The following THSD7B variants were observed in gnomAD, a reference collection of about 807,000 sequenced individuals.
The protein encoded by THSD7B is thrombospondin type-1 domain-containing protein 7B.
In THSD7B, 138 loss-of-function variants were observed where a neutral mutation model predicts 213.6. The observed-to-expected ratio is 0.65, with a 90% CI of 0.56 to 0.74. THSD7B has a LOEUF of 0.74. Ranked by LOEUF, THSD7B falls within the 30% of genes least tolerant of loss-of-function variation. The pLI, the probability that THSD7B is intolerant of heterozygous loss-of-function variation, is 0.00. For synonymous variants in THSD7B, 742 were observed against 687.0 expected (o/e 1.08, Z -1.25); for missense variants, 1,931 against 1,991.5 (o/e 0.97, Z 0.58).
intron 15 of THSD7B, among the ~76,000 whole-genome samples, chr2:137,544,984 G>A (rs188988797): frequency 6.6e-6 from 1 of 151,874 alleles, no homozygotes; most frequent in East Asian, 1.9e-4. Flanking sequence ...TCTCAATAAT[G>A]TATCAGGGGC....
chr2:137,647,812 T>A (rs1314147958), intron 21 of THSD7B, among the ~76,000 whole-genome samples: 2 of 152,144 alleles, frequency 1.3e-5, no homozygotes, highest in Non-Finnish European at 2.9e-5. Context: ...CTGTGCTTGT[T>A]TGTGAAGCTG....
intron 26 of THSD7B, among the ~76,000 whole-genome samples, chr2:137,667,260 T>G (rs1683468122): frequency 6.6e-6 from 1 of 152,200 alleles, no homozygotes; most frequent in African/African-American, 2.4e-5. Flanking sequence ...ACATTTTACA[T>G]TTTCGCTTTT....
intron 5 of THSD7B, among the ~76,000 whole-genome samples, chr2:137,132,327 C>G (rs1391565673): frequency 2.0e-5 from 3 of 150,756 alleles, no homozygotes; most frequent in Non-Finnish European, 1.5e-5. Context: ...CGTCTGCAAA[C>G]AGGGACAATT....
chr2:137,614,739 C>CA (rs1682351407), intron 17 of THSD7B, among the ~76,000 whole-genome samples: 1 of 152,062 alleles, frequency 6.6e-6, no homozygotes, highest in South Asian at 2.1e-4. Flanking sequence ...TAAGTACTGA[C>CA]AGATCCAAGT....
intron 17 of THSD7B, among the ~76,000 whole-genome samples, chr2:137,598,076 A>G (rs1314364761): frequency 1.3e-5 from 2 of 151,538 alleles, no homozygotes; most frequent in African/African-American, 4.9e-5. Flanking sequence ...CCATTTCCCC[A>G]TCTTTCTTTT....
intron 25 of THSD7B, among the ~76,000 whole-genome samples, chr2:137,662,148 C>T (rs191926609): frequency 2.0e-4 from 30 of 150,268 alleles, no homozygotes; most frequent in South Asian, 1.3e-3. Context: ...CTGCAACCAC[C>T]GCCTCCTGGG....
intron 2 of THSD7B, among the ~76,000 whole-genome samples, chr2:136,909,113 G>A (rs953808940): frequency 1.1e-4 from 17 of 152,180 alleles, no homozygotes; most frequent in South Asian, 4.2e-4. Context: ...AACCTGGGAG[G>A]TGGAGGTTGC....
intron 17 of THSD7B, among the ~76,000 whole-genome samples, chr2:137,573,134 C>T (rs1004266271): frequency 6.7e-6 from 1 of 150,290 alleles, no homozygotes; most frequent in Non-Finnish European, 1.5e-5. Context: ...GGAAGCACAA[C>T]AGGAGTATGG....
At chr2:137,549,289 A>G (rs1573700613) in intron 15 of THSD7B, among the ~76,000 whole-genome samples, 1 of 133,316 alleles carries the variant, frequency 7.5e-6, no homozygotes, top group South Asian at 2.5e-4. Context: ...GAAGGCAGAC[A>G]TGTCTTTTTT....
At chr2:137,088,906 C>A (rs1687892906) in intron 3 of THSD7B, among the ~76,000 whole-genome samples, 1 of 152,044 alleles carries the variant, frequency 6.6e-6, no homozygotes, top group African/African-American at 2.4e-5. Flanking sequence ...TTATGCAAAT[C>A]AAAACCACAA....
intron 7 of THSD7B, among the ~76,000 whole-genome samples, chr2:137,212,079 A>C (rs996465149): frequency 6.6e-6 from 1 of 152,088 alleles, no homozygotes; most frequent in African/African-American, 2.4e-5. Flanking sequence ...GTTTTCTAAT[A>C]TAACCTCACA....
intron 12 of THSD7B, among the ~76,000 whole-genome samples, chr2:137,321,874 C>G (rs1684270201): frequency 6.6e-6 from 1 of 151,722 alleles, no homozygotes; most frequent in South Asian, 2.1e-4. Context: ...TAATAATTAA[C>G]TTCTGTGCCT....
Position 137,488,304 on chromosome 2 carries a change from A to G in THSD7B, c.3138+37281A>G, listed in dbSNP as rs183447879. ...GGTATTCATATGTATATGCACACAC[A>G]TATACCAATATACACATTATATTTA... is the stretch of plus-strand genomic sequence containing the variant. On this transcript the variant is annotated intron_variant, in intron 15 of 27. Transcript: ENST00000409968. Among the ~76,000 whole-genome samples the G allele has an allele frequency of 2.9e-3, 443 of 152,296 alleles. 1 individual carries two copies. The highest frequency in any genetic ancestry group is 0.01 in the African/African-American group (420 of 41,562).
chr2:137,422,549 C>G (rs977762013), intron 14 of THSD7B, among the ~76,000 whole-genome samples: 1 of 152,032 alleles, frequency 6.6e-6, no homozygotes, highest in African/African-American at 2.4e-5. Context: ...GGTTCATTTG[C>G]TTATGGATTC....
At chr2:137,628,491 G>A (rs72983484) in intron 20 of THSD7B, among the ~76,000 whole-genome samples, 3,936 of 152,254 alleles carry the variant, frequency 0.026, 173 homozygotes, top group African/African-American at 0.091. Context: ...AGGGACAACA[G>A]AGAGTAAACT....
chr2:137,404,460 T>TAC (rs1558785749), intron 12 of THSD7B, among the ~76,000 whole-genome samples: 5 of 102,328 alleles, frequency 4.9e-5, no homozygotes, highest in East Asian at 2.9e-4. Context: ...TATATATATA[T>TAC]ATATATATAT....
intron 10 of THSD7B, among the ~76,000 whole-genome samples, chr2:137,271,074 C>T (rs966182568): frequency 6.6e-6 from 1 of 151,794 alleles, no homozygotes; most frequent in Admixed American, 6.6e-5. Context: ...TTAATAAATT[C>T]TTATTTCATT....
At chr2:137,314,899 G>T (rs1159851726) in intron 12 of THSD7B, among the ~76,000 whole-genome samples, 1 of 152,200 alleles carries the variant, frequency 6.6e-6, no homozygotes, top group African/African-American at 2.4e-5. Flanking sequence ...GAGAACCACT[G>T]CTCTCTTCAA....
At position 137,212,654 on chromosome 2, in the gene THSD7B, G is replaced by C. The variant is rs569951762; in HGVS notation, c.1724-18390G>C. Among the ~76,000 whole-genome samples, 6 of 96,578 alleles carry C rather than the reference G, an allele frequency of 6.2e-5. No individual in the cohort carries two copies. The South Asian group carries it at 2.2e-3, about 36-fold the overall frequency. 63.4% of individuals were successfully genotyped at this position (96,578 alleles called of 152,430 possible). Reference sequence around the variant, plus strand: ...CTCATCTCTAAAGCAATTTTTTAGTGCACACAAAAAAAATATCATTTTTTT... The same window carrying C: ...CTCATCTCTAAAGCAATTTTTTAGTCCACACAAAAAAAATATCATTTTTTT... On this transcript the variant is annotated intron_variant, in intron 7 of 27. Coordinates refer to ENST00000409968, the MANE Select transcript of THSD7B (RefSeq NM_001316349.2).
Sources: allele counts gnomAD v4.1 joint callset (sites outside exome capture counted in the v4.1 genomes callset), GRCh38; gene constraint gnomAD v4.1.1; transcripts MANE v1.5; gene names NCBI Gene and HGNC (gene_info 2026-07-23, HGNC 2026-07-21).